MIB1: variants seen among roughly 807,000 people sequenced by gnomAD.
MIB1 encodes the protein MIB E3 ubiquitin protein ligase 1, also known as E3 ubiquitin-protein ligase MIB1.
Under a neutral mutation model 124.5 loss-of-function variants are expected in MIB1, and 278 were observed. That is an observed-to-expected ratio of 2.23 (90% CI 2.02 to 2.47). The LOEUF (loss-of-function observed/expected upper bound fraction) is 2.47, where lower values mean the gene tolerates loss of function less well. Among genes scored for constraint, MIB1 ranks in the 30% most tolerant of loss-of-function variants. The probability of loss-of-function intolerance (pLI) is 0.00; values close to 1 mark genes in which losing one functional copy is unlikely to be tolerated. For missense variants in MIB1, 957 were observed against 1,254.4 expected (o/e 0.76, Z 3.58); for synonymous variants, 446 against 429.4 (o/e 1.04, Z -0.48).
intron 12 of MIB1, chr18:21,826,234 C>A (rs201759060): frequency 6.3e-6 from 1 of 158,300 alleles, no homozygotes; most frequent in Admixed American, 6.3e-5. Context: ...GTTAGTCACC[C>A]CCTTCTACTG....
At chr18:21,777,868 A>G (rs191717586) in intron 4 of MIB1, among the ~76,000 whole-genome samples, 84 of 152,326 alleles carry the variant, frequency 5.5e-4, no homozygotes, top group Admixed American at 5.2e-3. Context: ...AGATTCAGAC[A>G]TTCTAATTTT....
intron 9 of MIB1, among the ~76,000 whole-genome samples, chr18:21,801,101 A>G (rs149794118): frequency 1.5e-3 from 221 of 152,170 alleles, no homozygotes; most frequent in African/African-American, 4.9e-3. Flanking sequence ...TCTCACCCCT[A>G]TTTTCCTGTT....
chr18:21,742,501 A>G (rs2040865495), intron 1 of MIB1, among the ~76,000 whole-genome samples: 1 of 152,070 alleles, frequency 6.6e-6, no homozygotes, highest in Admixed American at 6.6e-5. Context: ...ATTTTTTGTT[A>G]CACTAACGTC....
intron 13 of MIB1, among the ~76,000 whole-genome samples, chr18:21,841,488 G>A (rs1473091132): frequency 6.6e-6 from 1 of 152,188 alleles, no homozygotes; most frequent in Admixed American, 6.5e-5. Flanking sequence ...AGCATTATTA[G>A]TGATTAACAA....
At chr18:21,759,556 T>TA (rs1321391329) in intron 1 of MIB1, among the ~76,000 whole-genome samples, 2 of 152,124 alleles carry the variant, frequency 1.3e-5, no homozygotes, top group Non-Finnish European at 2.9e-5. Flanking sequence ...ATTCCATATT[T>TA]AAAAAAATTC....
intron 1 of MIB1, among the ~76,000 whole-genome samples, chr18:21,757,451 C>CAAAAAAAA (rs1202189616): frequency 7.5e-5 from 1 of 13,282 alleles, no homozygotes; most frequent in African/African-American, 3.3e-4. Flanking sequence ...GACTCTGTCT[C>CAAAAAAAA]AAAAAAAAAA....
intron 1 of MIB1, among the ~76,000 whole-genome samples, chr18:21,725,774 G>A (rs181870956): frequency 7.2e-6 from 1 of 139,240 alleles, no homozygotes; most frequent in Non-Finnish European, 1.5e-5. Context: ...AAGGAGGGAG[G>A]GAGGGAGAGA....
rs370834206 is a variant in MIB1, at chr18:21,706,075, C to CTGTTT, written n.167+969_167+973dup. On this transcript the variant is annotated intron_variant and non_coding_transcript_variant, in intron 1 of 20. Coordinates refer to the MIB1 transcript ENST00000578646. ...ATGCGTATTTCAGTTTAAGTTTGTT[C>CTGTTT]TGTTTTGTTTTGTTTTGTTTTTTGA... Among the ~76,000 whole-genome samples, 996 of 152,178 alleles carry CTGTTT rather than the reference C, an allele frequency of 6.5e-3. 5 individuals carry two copies. Among genetic ancestry groups the CTGTTT allele is most frequent in the Middle Eastern group, 0.01 (3 of 294 alleles).
intron 1 of MIB1, among the ~76,000 whole-genome samples, chr18:21,747,534 C>G (rs931717001): frequency 1.3e-5 from 2 of 152,160 alleles, no homozygotes; most frequent in Admixed American, 1.3e-4. Context: ...CTGTTTTCTC[C>G]TTTTCCTTTC....
intron 10 of MIB1, among the ~76,000 whole-genome samples, chr18:21,810,305 G>A (rs1358139995): frequency 6.6e-6 from 1 of 150,956 alleles, no homozygotes; most frequent in Non-Finnish European, 1.5e-5. Context: ...TTGTTAAGAT[G>A]TCAGTACTAC....
intron 10 of MIB1, among the ~76,000 whole-genome samples, chr18:21,809,566 G>A (rs1307758433): frequency 2.6e-5 from 4 of 152,064 alleles, no homozygotes; most frequent in East Asian, 3.8e-4. Flanking sequence ...GATCAAATGG[G>A]ATTTATTCCT....
At chr18:21,805,091 C>A (rs2146461094) in intron 10 of MIB1, among the ~76,000 whole-genome samples, 1 of 152,234 alleles carries the variant, frequency 6.6e-6, no homozygotes, top group South Asian at 2.1e-4. Flanking sequence ...CAGCTCACTG[C>A]AACCTCTGCC....
At chr18:21,791,730 C>G (rs1353888246) in intron 7 of MIB1, among the ~76,000 whole-genome samples, 173 bp downstream of exon 7, 1 of 152,162 alleles carries the variant, frequency 6.6e-6, no homozygotes, top group African/African-American at 2.4e-5. Context: ...GTTAAATTAG[C>G]CTGGGAAGAT....
chr18:21,854,596 CTTTTTTTT>C (rs34762697), intron 18 of MIB1: 6 of 116,340 alleles, frequency 5.2e-5, no homozygotes, highest in Non-Finnish European at 1.1e-4. Flanking sequence ...GCGTTTGCTC[CTTTTTTTT>C]TTTTTTTTTT....
intron 1 of MIB1, among the ~76,000 whole-genome samples, chr18:21,714,587 T>C (rs989356649): frequency 2.6e-5 from 4 of 152,144 alleles, no homozygotes; most frequent in Non-Finnish European, 2.9e-5. Flanking sequence ...TTGCATAGTA[T>C]CCTCCCATGC....
rs1340087450 is a variant in MIB1, at chr18:21,718,225, T to C, written n.167+13102T>C. 4.6e-5 allele frequency among the ~76,000 whole-genome samples: 7 copies of C among 151,846 alleles called. No homozygotes were observed. The South Asian group carries it at 1.2e-3, about 27-fold the overall frequency. ...GGCATAATAATGACACAGTGGACTT[T>C]AGGGACTCAGGGGGAAAGGGTGGAT... On this transcript the variant is annotated intron_variant and non_coding_transcript_variant, in intron 1 of 20. Coordinates refer to the MIB1 transcript ENST00000578646.
chr18:21,726,564 A>G (rs2040743110), intron 1 of MIB1, among the ~76,000 whole-genome samples: 1 of 152,146 alleles, frequency 6.6e-6, no homozygotes, highest in South Asian at 2.1e-4. Flanking sequence ...CGTAATTATA[A>G]AAGATGATAG....
At chr18:21,791,808 G>A (rs746724736) in intron 7 of MIB1, among the ~76,000 whole-genome samples, 2 of 152,120 alleles carry the variant, frequency 1.3e-5, no homozygotes, top group African/African-American at 2.4e-5. Context: ...GTTGTGTGGT[G>A]CAAGTCAGCA....
intron 4 of MIB1, among the ~76,000 whole-genome samples, chr18:21,775,307 A>C (rs2041271724): frequency 6.6e-6 from 1 of 151,954 alleles, no homozygotes; most frequent in Non-Finnish European, 1.5e-5. Flanking sequence ...TGGTGCAATC[A>C]TAGTTCACTG....
Sources: gnomAD v4.1 joint callset for allele counts (sites outside exome capture counted in the v4.1 genomes callset) on GRCh38, gnomAD v4.1.1 for gene constraint, MANE v1.5 for transcripts, NCBI Gene and HGNC (gene_info 2026-07-23, HGNC 2026-07-21) for gene names.